Variants in IGSF11 observed in about 807,000 individuals in gnomAD.
IGSF11 encodes the protein CXADR like 1.
A neutral mutation model predicts 41.0 loss-of-function variants in IGSF11; 22 were observed. The ratio of observed to expected loss-of-function variants is 0.54; its 90% confidence interval spans 0.38 to 0.77. The LOEUF (loss-of-function observed/expected upper bound fraction) is 0.77, where lower values mean the gene tolerates loss of function less well. Among genes scored for constraint, IGSF11 ranks in the 30% least tolerant of loss-of-function variants. The pLI, the probability that IGSF11 is intolerant of heterozygous loss-of-function variation, is 0.00. For missense variants in IGSF11, 444 were observed against 530.8 expected, an observed-to-expected ratio of 0.84 and a Z score of 1.61; for synonymous variants, 219 against 201.3, an observed-to-expected ratio of 1.09 and a Z score of -0.74.
At chr3:118,961,021 T>C (rs1447146256) in intron 1 of IGSF11, among the ~76,000 whole-genome samples, 1 of 152,170 alleles carries the variant, frequency 6.6e-6, no homozygotes, top group Non-Finnish European at 1.5e-5. Flanking sequence ...ATGATCCCCT[T>C]TGGATGACTC....
chr3:118,904,520 C>T (rs1441529838), intron 6 of IGSF11, 128 bp downstream of exon 6: 1 of 699,826 alleles, frequency 1.4e-6, no homozygotes, highest in Non-Finnish European at 2.5e-6. Flanking sequence ...CAAGAAAATA[C>T]CATTTAGCCA....
At chr3:119,058,175 A>C (rs993042273) in intron 1 of IGSF11, among the ~76,000 whole-genome samples, 1 of 152,174 alleles carries the variant, frequency 6.6e-6, no homozygotes, top group Non-Finnish European at 1.5e-5. Flanking sequence ...CTACCATCAG[A>C]GTGAACAGGC....
At chr3:119,047,482 C>A (rs1437741931) in intron 1 of IGSF11, among the ~76,000 whole-genome samples, 6 of 152,112 alleles carry the variant, frequency 3.9e-5, no homozygotes, top group Non-Finnish European at 8.8e-5. Context: ...TACAGGAGCA[C>A]CCTGATTCAT....
intron 3 of IGSF11, among the ~76,000 whole-genome samples, 198 bp from the exon 4 acceptor site, chr3:118,926,454 G>T (rs1942315785): frequency 6.6e-6 from 1 of 152,132 alleles, no homozygotes; most frequent in African/African-American, 2.4e-5. Context: ...CAGGCCTGCA[G>T]CTTTGGTAAG....
chr3:119,004,797 T>C (rs1937308807), intron 1 of IGSF11, among the ~76,000 whole-genome samples: 1 of 151,556 alleles, frequency 6.6e-6, no homozygotes, highest in South Asian at 2.1e-4. Context: ...TAATCCTGAG[T>C]TCTAGTTTGA....
chr3:119,112,293 C>A (rs1271136848), intron 1 of IGSF11, among the ~76,000 whole-genome samples: 4 of 152,178 alleles, frequency 2.6e-5, no homozygotes, highest in East Asian at 1.9e-4. Flanking sequence ...CAAGCCTGGG[C>A]AATGGTGGGC....
At chr3:119,002,138 T>G (rs1325060679) in intron 1 of IGSF11, among the ~76,000 whole-genome samples, 1 of 137,228 alleles carries the variant, frequency 7.3e-6, no homozygotes, top group Non-Finnish European at 1.5e-5. Flanking sequence ...CACCTGTTGT[T>G]TCCTAACTTT....
chr3:118,969,049 A>G (rs1933059066), intron 1 of IGSF11, among the ~76,000 whole-genome samples: 1 of 152,258 alleles, frequency 6.6e-6, no homozygotes, highest in African/African-American at 2.4e-5. Context: ...ACCATATGCT[A>G]GCATTCAAGA....
chr3:119,086,035 G>A (rs1270071070), intron 1 of IGSF11, among the ~76,000 whole-genome samples: 1 of 152,210 alleles, frequency 6.6e-6, no homozygotes, highest in Admixed American at 6.5e-5. Flanking sequence ...TGAAAAGGAT[G>A]AAGTGAAGTT....
chr3:119,057,766 A>G (rs1267284599), intron 1 of IGSF11, among the ~76,000 whole-genome samples: 1 of 152,230 alleles, frequency 6.6e-6, no homozygotes, highest in Non-Finnish European at 1.5e-5. Context: ...TACTGGTACC[A>G]AAACAGAGAT....
At chr3:119,043,032 G>A (rs1340090193) in intron 1 of IGSF11, among the ~76,000 whole-genome samples, 1 of 152,208 alleles carries the variant, frequency 6.6e-6, no homozygotes, top group African/African-American at 2.4e-5. Flanking sequence ...CATGTGGTGA[G>A]TGTTATAGCT....
chr3:119,017,074 A>G (rs1938787425), intron 1 of IGSF11, among the ~76,000 whole-genome samples: 1 of 151,112 alleles, frequency 6.6e-6, no homozygotes, highest in Non-Finnish European at 1.5e-5. Flanking sequence ...TATGGGGCCA[A>G]CTTCACTTGG....
intron 4 of IGSF11, among the ~76,000 whole-genome samples, chr3:118,922,428 T>C (rs1457312937): frequency 1.3e-5 from 2 of 148,476 alleles, no homozygotes; most frequent in Non-Finnish European, 3.0e-5. Context: ...TGTGTGTGTG[T>C]GGCTGGGAAC....
chr3:118,996,398 A>G (rs1261089197), intron 1 of IGSF11, among the ~76,000 whole-genome samples: 2 of 152,112 alleles, frequency 1.3e-5, no homozygotes, highest in Non-Finnish European at 2.9e-5. Flanking sequence ...CACCACTTCC[A>G]TCACCACTGC....
intron 1 of IGSF11, among the ~76,000 whole-genome samples, chr3:118,974,379 A>T (rs1933822298): frequency 6.6e-6 from 1 of 152,224 alleles, no homozygotes; most frequent in African/African-American, 2.4e-5. Context: ...AAGAAAAGGC[A>T]ACGGTTCAGT....
chr3:119,092,115 A>ATTT (rs2076772802), intron 1 of IGSF11, among the ~76,000 whole-genome samples: 1 of 151,624 alleles, frequency 6.6e-6, no homozygotes. Context: ...GGGTTCAAGC[A>ATTT]ATTTTCATGC....
chr3:118,940,071 C>T (rs952931718), intron 1 of IGSF11, among the ~76,000 whole-genome samples: 7 of 152,088 alleles, frequency 4.6e-5, no homozygotes, highest in Admixed American at 4.6e-4. Context: ...ATTATCAGTA[C>T]CAATAATTCA....
intron 1 of IGSF11, among the ~76,000 whole-genome samples, chr3:119,003,898 C>T: frequency 6.7e-6 from 1 of 148,564 alleles, no homozygotes; most frequent in East Asian, 2.0e-4. Flanking sequence ...CATCGATATT[C>T]ATCAAGGATA....
intron 1 of IGSF11, among the ~76,000 whole-genome samples, chr3:119,143,885 T>TA (rs1423626120): frequency 3.9e-5 from 6 of 152,174 alleles, no homozygotes; most frequent in Admixed American, 1.3e-4. Context: ...TATATATTGA[T>TA]AAAAGCGTCA....
Sources: allele counts gnomAD v4.1 joint callset (sites outside exome capture counted in the v4.1 genomes callset), GRCh38; gene constraint gnomAD v4.1.1; transcripts MANE v1.5; gene names NCBI Gene and HGNC (gene_info 2026-07-23, HGNC 2026-07-21).